The following SLC49A3 variants were observed in gnomAD, a reference collection of about 807,000 sequenced individuals.
The protein encoded by SLC49A3 is solute carrier family 49 member 3, also known as solute carrier family 49 member A3.
SLC49A3 carries 50 observed loss-of-function variants against 43.8 expected under a neutral mutation model. The ratio of observed to expected loss-of-function variants is 1.14; its 90% confidence interval spans 0.91 to 1.45. The LOEUF (loss-of-function observed/expected upper bound fraction) is 1.45, where lower values mean the gene tolerates loss of function less well. SLC49A3 is among the 40% of genes most tolerant of loss of function. The probability of loss-of-function intolerance (pLI) is 0.00; values close to 1 mark genes in which losing one functional copy is unlikely to be tolerated. For missense variants in SLC49A3, 906 were observed against 774.1 expected (o/e 1.17, Z -2.02); for synonymous variants, 413 against 352.0 (o/e 1.17, Z -1.94).
chr4:678,694 C>T (rs1449694123), downstream of SLC49A3: 4 of 1,611,554 alleles, frequency 2.5e-6, no homozygotes, highest in Non-Finnish European at 3.4e-6. Flanking sequence ...AGGGGGTGCC[C>T]TCCGGGCCCA....
At chr4:679,923 A>C, downstream of SLC49A3, 1 of 1,613,644 alleles carries the variant, frequency 6.2e-7, no homozygotes, top group African/African-American at 1.3e-5. Flanking sequence ...GGCAAGACCA[A>C]CGTCAAGGAC....
chr4:683,149 G>T, intron 8 of SLC49A3, 61 bp downstream of exon 8: 1 of 1,588,642 alleles, frequency 6.3e-7, no homozygotes, highest in South Asian at 1.1e-5. Flanking sequence ...AACCCCAGGG[G>T]TGTAGGGGTG....
downstream of SLC49A3, chr4:678,547 C>A (rs76067323): frequency 6.8e-7 from 1 of 1,475,464 alleles, no homozygotes. Context: ...CCCTCCAGCC[C>A]GAAGGGCTGA....
chr4:678,615 G>C (rs755590352), downstream of SLC49A3: 7 of 1,570,406 alleles, frequency 4.5e-6, no homozygotes, highest in South Asian at 8.1e-5. Context: ...GGAGGGTTTC[G>C]TCAGCCAGCC....
downstream of SLC49A3, chr4:680,651 C>A: frequency 6.5e-7 from 1 of 1,533,994 alleles, no homozygotes; most frequent in South Asian, 1.1e-5. Context: ...CATCCTGTCC[C>A]AAAAGGGACA....
At chr4:688,416 C>G (rs1560179913) in intron 1 of SLC49A3, among the ~76,000 whole-genome samples, 1 of 152,208 alleles carries the variant, frequency 6.6e-6, no homozygotes, top group Non-Finnish European at 1.5e-5. Flanking sequence ...GCTGTGGGTC[C>G]TGCTGCCAAC....
upstream of SLC49A3, among the ~76,000 whole-genome samples, chr4:690,699 G>A (rs1026756095): frequency 1.2e-4 from 18 of 152,128 alleles, no homozygotes; most frequent in African/African-American, 3.6e-4. Context: ...GTGCATTGTC[G>A]AGGGGTGTCA....
chr4:680,671 C>T, downstream of SLC49A3: 1 of 1,397,690 alleles, frequency 7.2e-7, no homozygotes. Context: ...AGTCAGCCAC[C>T]AGATGCCACG....
At chr4:682,409 C>G (rs1461611642) in intron 9 of SLC49A3, 33 bp from the exon 10 acceptor site, 1 of 1,321,172 alleles carries the variant, frequency 7.6e-7, no homozygotes, top group East Asian at 2.8e-5. Flanking sequence ...TCCCCACAGC[C>G]AAGCCCAGGG....
At chr4:679,113 C>T (rs1323799336), downstream of SLC49A3, 1 of 1,191,424 alleles carries the variant, frequency 8.4e-7, no homozygotes, top group Non-Finnish European at 1.1e-6. Context: ...GCCGCGGCCC[C>T]TCCTCGAATG....
chr4:679,302 G>A (rs1286679555), downstream of SLC49A3: 18 of 593,570 alleles, frequency 3.0e-5, no homozygotes, highest in Non-Finnish European at 4.8e-5. Flanking sequence ...TCCAGGGAGG[G>A]GCTGACTCTC....
chr4:681,180 GGC>G, downstream of SLC49A3: 3 of 1,586,024 alleles, frequency 1.9e-6, no homozygotes, highest in Non-Finnish European at 2.6e-6. Flanking sequence ...ACGAGGGGAG[GGC>G]GGGGCTCCCG....
chr4:689,988 A>C (rs1741742221), upstream of SLC49A3, among the ~76,000 whole-genome samples: 1 of 152,240 alleles, frequency 6.6e-6, no homozygotes, highest in East Asian at 1.9e-4. Context: ...TCAGACGTGC[A>C]AACAGGATTT....
chr4:681,682 C>G (rs1249340605), downstream of SLC49A3: 33 of 43,136 alleles, frequency 7.7e-4, no homozygotes, highest in Middle Eastern at 6.4e-3. Flanking sequence ...CCAGCGCCGC[C>G]CCGCCCCCTC....
At position 683,383 on chromosome 4, in the gene SLC49A3, C is replaced by G. The variant is rs371408508; in HGVS notation, c.994-16G>C. 4 of 1,603,198 alleles carry G rather than the reference C, an allele frequency of 2.5e-6. No homozygotes were observed. In the African/African-American group the frequency reaches 4.0e-5, roughly 16 times the overall value. On this transcript the variant is annotated splice_polypyrimidine_tract_variant and intron_variant, in intron 7 of 9. Transcript: ENST00000322224. ...GCTGGGACACCTGGGAGCAGCGGAA[C>G]GGCAGGCAGACAGGTGGAGGGGGTG... is the stretch of plus-strand genomic sequence containing the variant.
upstream of SLC49A3, among the ~76,000 whole-genome samples, chr4:690,414 C>T (rs1206474366): frequency 2.0e-5 from 3 of 152,092 alleles, no homozygotes; most frequent in Non-Finnish European, 4.4e-5. Flanking sequence ...ATTCCCCCAC[C>T]AGTTCCTTCT....
At chr4:677,835 G>C (rs908526561), downstream of SLC49A3, 4 of 887,976 alleles carry the variant, frequency 4.5e-6, no homozygotes, top group African/African-American at 6.6e-5. Flanking sequence ...GGTGAGGCAG[G>C]GCAAGGGTGT....
downstream of SLC49A3, chr4:681,201 T>A: frequency 1.3e-6 from 2 of 1,558,560 alleles, no homozygotes; most frequent in Non-Finnish European, 1.7e-6. Flanking sequence ...CGGGGTCAGC[T>A]GGGTGGAGGG....
chr4:686,079 C>T lies in SLC49A3; in HGVS notation c.508+10G>A, dbSNP rs370769643. ...AGCCCAGGCAGGCGGCCTCCCTCCC[C>T]GGAACTCACACATGGTGGCGAGCAT... On this transcript the variant is annotated intron_variant, in intron 3 of 9. Coordinates refer to ENST00000322224, the MANE Select transcript of SLC49A3 (RefSeq NM_032219.4). 70 of 1,612,740 alleles carry T rather than the reference C, an allele frequency of 4.3e-5. No individual in the cohort carries two copies. In the East Asian group the frequency reaches 5.6e-4, roughly 13 times the overall value.
Sources: allele counts gnomAD v4.1 joint callset (sites outside exome capture counted in the v4.1 genomes callset), GRCh38; gene constraint gnomAD v4.1.1; transcripts MANE v1.5; gene names NCBI Gene and HGNC (gene_info 2026-07-23, HGNC 2026-07-21).